APBB2: variants seen among roughly 807,000 people sequenced by gnomAD.
APBB2 encodes the protein amyloid beta precursor protein binding family B member 2, also known as Fe65-like 1.
In APBB2, 38 loss-of-function variants were observed where a neutral mutation model predicts 82.5. The ratio of observed to expected loss-of-function variants is 0.46; its 90% CI spans 0.36 to 0.60. The LOEUF (loss-of-function observed/expected upper bound fraction) is 0.60, where lower values mean the gene tolerates loss of function less well. Ranked by LOEUF, APBB2 falls within the 20% of genes least tolerant of loss-of-function variation. The pLI, the probability that APBB2 is intolerant of heterozygous loss-of-function variation, is 0.00. For synonymous variants in APBB2, 341 were observed against 368.2 expected (o/e 0.93, Z 0.85); for missense variants, 772 against 972.3 (o/e 0.79, Z 2.74).
chr4:41,189,656 A>G (rs1378781933), intron 1 of APBB2, among the ~76,000 whole-genome samples: 1 of 152,210 alleles, frequency 6.6e-6, no homozygotes, highest in Non-Finnish European at 1.5e-5. Context: ...CAGTACAAGT[A>G]AATAGCGGTA....
chr4:41,092,816 C>T (rs182875513), intron 3 of APBB2, among the ~76,000 whole-genome samples: 102 of 152,168 alleles, frequency 6.7e-4, no homozygotes, highest in African/African-American at 2.4e-3. Context: ...ACTTTAAATT[C>T]ATGAAAGAAA....
At chr4:41,191,292 G>A (rs192394851) in intron 1 of APBB2, among the ~76,000 whole-genome samples, 10 of 152,116 alleles carry the variant, frequency 6.6e-5, no homozygotes, top group Non-Finnish European at 1.3e-4. Flanking sequence ...TAACATAATC[G>A]AACCACGTGG....
At chr4:40,817,756 T>TG (rs1483375454) in intron 17 of APBB2, among the ~76,000 whole-genome samples, 2 of 152,138 alleles carry the variant, frequency 1.3e-5, no homozygotes, top group Non-Finnish European at 2.9e-5. Flanking sequence ...AGCAAGACCC[T>TG]GGGGGAAGGA....
At chr4:40,892,231 A>T (rs778584213) in intron 11 of APBB2, among the ~76,000 whole-genome samples, 9 of 152,304 alleles carry the variant, frequency 5.9e-5, no homozygotes, top group South Asian at 2.1e-4. Context: ...GATTACAGGC[A>T]TAAGCCACTA....
chr4:40,852,967 T>C (rs1759956170), intron 12 of APBB2, among the ~76,000 whole-genome samples: 1 of 152,184 alleles, frequency 6.6e-6, no homozygotes, highest in Admixed American at 6.5e-5. Flanking sequence ...TGATACAACA[T>C]AAATGTAAAG....
Position 40,880,148 on chromosome 4 carries a change from C to A in APBB2, c.1529+10216G>T, listed in dbSNP as rs191392852. On this transcript the variant is annotated intron_variant, in intron 12 of 17. Coordinates refer to ENST00000508593, the MANE Select transcript of APBB2 (RefSeq NM_004307.2). ...GATGGAGACAGTGGCACACAGAGCG[C>A]CCCTAACATCAGTGCAAAGGAAGAG... 3.4e-3 allele frequency: 3,377 copies of A among 985,388 alleles called. 8 individuals are homozygous for A. The highest frequency in any genetic ancestry group is 3.9e-3 in the Non-Finnish European group (3,256 of 829,928). 61.0% of individuals were successfully genotyped at this position (985,388 alleles called of 1,614,324 possible). A position where few individuals can be genotyped will look rare whatever the true frequency, so the allele number is the denominator to read the frequency against.
chr4:41,035,935 G>C (rs1718996915), intron 4 of APBB2, among the ~76,000 whole-genome samples: 1 of 152,084 alleles, frequency 6.6e-6, no homozygotes, highest in Admixed American at 6.5e-5. Context: ...CAGGTGGGAG[G>C]ACCACCTGAG....
intron 12 of APBB2, chr4:40,880,025 T>C (rs1768005221): frequency 1.0e-6 from 1 of 985,358 alleles, no homozygotes; most frequent in Non-Finnish European, 1.2e-6. Context: ...AATATTACTA[T>C]GTTAATAAAA....
At chr4:41,002,811 T>G (rs1441281452) in intron 6 of APBB2, among the ~76,000 whole-genome samples, 1 of 152,264 alleles carries the variant, frequency 6.6e-6, no homozygotes, top group Non-Finnish European at 1.5e-5. Context: ...TATTGCTGTT[T>G]GTGATCTCTG....
intron 6 of APBB2, among the ~76,000 whole-genome samples, chr4:40,968,547 C>G (rs946835158): frequency 6.6e-6 from 1 of 152,160 alleles, no homozygotes; most frequent in African/African-American, 2.4e-5. Flanking sequence ...GCACTGCATG[C>G]AATGCCCTCT....
At position 40,945,007 on chromosome 4, in the gene APBB2, C is replaced by G; in HGVS notation, c.902G>C (p.Ser301Thr). ...PDLPPGWKRV[S>T]DIAGTYYWHI... The stretch of plus-strand genomic sequence containing the variant: ...CCAATAATAGGTCCCGGCAATGTCA[C>G]TGACTCTTTTCCAGCCAGGCGGCAA... Residue 301 changes from serine to threonine, a missense_variant, in exon 7 of 18, where the codon AGT becomes ACT. By Grantham distance (58) the Ser-to-Thr change is moderately conservative (BLOSUM62 1). Coordinates refer to ENST00000508593, the MANE Select transcript of APBB2 (RefSeq NM_004307.2). The G allele has an allele frequency of 1.2e-6, 2 of 1,607,962 alleles. No individual in the cohort carries two copies. The highest frequency in any genetic ancestry group is 1.7e-6 in the Non-Finnish European group (2 of 1,177,868).
At chr4:40,950,556 T>G (rs1789820063) in intron 6 of APBB2, among the ~76,000 whole-genome samples, 1 of 152,042 alleles carries the variant, frequency 6.6e-6, no homozygotes, top group Non-Finnish European at 1.5e-5. Flanking sequence ...ACTAAAAATT[T>G]TTCAAAATTG....
chr4:41,095,531 G>A (rs905623379), intron 3 of APBB2, among the ~76,000 whole-genome samples: 3 of 152,140 alleles, frequency 2.0e-5, no homozygotes, highest in Non-Finnish European at 2.9e-5. Context: ...TAGGCCCTAG[G>A]GGACACTGTT....
At chr4:40,878,537 C>T (rs1267104261) in intron 12 of APBB2, among the ~76,000 whole-genome samples, 2 of 152,140 alleles carry the variant, frequency 1.3e-5, no homozygotes, top group African/African-American at 4.8e-5. Context: ...GCCCCCTGTC[C>T]GGATCTCCCT....
At chr4:41,080,642 G>A (rs1737247970) in intron 3 of APBB2, among the ~76,000 whole-genome samples, 1 of 151,248 alleles carries the variant, frequency 6.6e-6, no homozygotes, top group Non-Finnish European at 1.5e-5. Context: ...CAAAAGTCAG[G>A]CTACACATCA....
chr4:41,101,882 C>T (rs1282224738), intron 2 of APBB2, among the ~76,000 whole-genome samples: 6 of 151,710 alleles, frequency 4.0e-5, no homozygotes, highest in African/African-American at 1.5e-4. Flanking sequence ...TCGCTTGAAC[C>T]CGGGAGGCGG....
chr4:40,890,747 T>G, intron 11 of APBB2: 4 of 381,370 alleles, frequency 1.0e-5, no homozygotes, highest in Non-Finnish European at 1.4e-5. Context: ...TGCTCTTAAA[T>G]TTAATTATTT....
At chr4:40,827,955 G>A (rs1221212763) in intron 13 of APBB2, among the ~76,000 whole-genome samples, 1 of 152,098 alleles carries the variant, frequency 6.6e-6, no homozygotes, top group African/African-American at 2.4e-5. Flanking sequence ...TGTTCTCGTG[G>A]TGGTGAGTAA....
chr4:40,816,023 C>A lies in APBB2; in HGVS notation c.*69G>T. On this transcript the variant is annotated 3_prime_UTR_variant, in exon 18 of 18. Transcript: ENST00000508593. ...AGCAACTGGATGGAAGGTCGGATGGCGGAGTTCATTTTCTTTAGTGTAGCT... is the reference window on the plus strand; with the variant it reads ...AGCAACTGGATGGAAGGTCGGATGGAGGAGTTCATTTTCTTTAGTGTAGCT... The A allele has an allele frequency of 6.5e-7, 1 of 1,548,050 alleles. No homozygotes were observed. Among genetic ancestry groups the A allele is most frequent in the Non-Finnish European group, 8.8e-7 (1 of 1,132,626 alleles).
Sources: gnomAD v4.1 joint callset for allele counts (sites outside exome capture counted in the v4.1 genomes callset) on GRCh38, gnomAD v4.1.1 for gene constraint, MANE v1.5 for transcripts, NCBI Gene and HGNC (gene_info 2026-07-23, HGNC 2026-07-21) for gene names.